The following MRFAP1L2 variants were observed in gnomAD, a reference collection of about 807,000 sequenced individuals.
MRFAP1L2 encodes the protein Morf4 family associated protein 1 like 2, also known as MORF4 family-associated protein 1-like protein UPP.
At chr4:6,674,521 C>G in the MRFAP1L2 span, 2 of 670,694 alleles carry the variant, frequency 3.0e-6, no homozygotes, top group Non-Finnish European at 5.4e-6. Flanking sequence ...CGCGGATGGG[C>G]AGGCGGATCG....
At chr4:6,674,269 G>A in the MRFAP1L2 span, 6 of 486,674 alleles carry the variant, frequency 1.2e-5, no homozygotes, top group Non-Finnish European at 2.2e-5. Context: ...CGGGCAGCCC[G>A]CTGAGCCCCG....
the MRFAP1L2 span, chr4:6,674,856 A>G: frequency 2.7e-6 from 1 of 365,616 alleles, no homozygotes. Flanking sequence ...TTGTTACGAG[A>G]TTGGAGCGTT....
the MRFAP1L2 span, chr4:6,674,799 G>C: frequency 1.5e-3 from 717 of 470,304 alleles, 1 homozygote; most frequent in Middle Eastern, 6.1e-3. Context: ...CACTACGTGG[G>C]GGGAGAGAGG....
At chr4:6,675,152 G>T in the MRFAP1L2 span, 1 of 152,248 alleles carries the variant, frequency 6.6e-6, no homozygotes, top group African/African-American at 2.4e-5. Context: ...GATGACTTCA[G>T]CATTAGATGG....
chr4:6,674,584 C>A, the MRFAP1L2 span: 1 of 628,740 alleles, frequency 1.6e-6, no homozygotes, highest in Non-Finnish European at 2.8e-6. Flanking sequence ...CCGGCGAGGC[C>A]GCGCGGGTCT....
At chr4:6,674,611 G>T in the MRFAP1L2 span, 1 of 591,382 alleles carries the variant, frequency 1.7e-6, no homozygotes, top group South Asian at 1.9e-5. Flanking sequence ...GAGCGCGGCG[G>T]GGAGTGTCCC....
chr4:6,674,186 C>T, the MRFAP1L2 span: 1 of 391,644 alleles, frequency 2.6e-6, no homozygotes, highest in East Asian at 3.8e-5. Flanking sequence ...CCGGCGTGCC[C>T]CGCGGGCTGG....
At chr4:6,674,389 C>G in the MRFAP1L2 span, 1 of 651,490 alleles carries the variant, frequency 1.5e-6, no homozygotes, top group African/African-American at 1.9e-5. Context: ...TCGACGCCAT[C>G]AAGAGTGAGG....
At chr4:6,675,339 T>C in the MRFAP1L2 span, 1 of 152,234 alleles carries the variant, frequency 6.6e-6, no homozygotes, top group Non-Finnish European at 1.5e-5. Flanking sequence ...CTTTGCTGTT[T>C]TTTTATGCTT....
chr4:6,674,402 G>A, the MRFAP1L2 span: 2 of 654,578 alleles, frequency 3.1e-6, no homozygotes, highest in African/African-American at 1.9e-5. Flanking sequence ...GAGTGAGGTG[G>A]AGGCAGAGGA....
chr4:6,674,530 C>A, the MRFAP1L2 span: 3 of 669,400 alleles, frequency 4.5e-6, no homozygotes, highest in Non-Finnish European at 8.1e-6. Context: ...GCAGGCGGAT[C>A]GTGGAGCTGC....
the MRFAP1L2 span, chr4:6,674,229 C>A: frequency 2.5e-6 from 1 of 405,456 alleles, no homozygotes; most frequent in Non-Finnish European, 4.3e-6. Flanking sequence ...CCCGTGGACG[C>A]GGACGAGGCG....
At chr4:6,674,404 G>C in the MRFAP1L2 span, 1 of 655,710 alleles carries the variant, frequency 1.5e-6, no homozygotes, top group Non-Finnish European at 2.7e-6. Context: ...GTGAGGTGGA[G>C]GCAGAGGAGC....
At chr4:6,674,490 A>C in the MRFAP1L2 span, 1 of 669,514 alleles carries the variant, frequency 1.5e-6, no homozygotes, top group Non-Finnish European at 2.7e-6. Flanking sequence ...GCCGAAGCAG[A>C]GAGGAAGGCT....
chr4:6,674,687 G>A, the MRFAP1L2 span: 402 of 525,336 alleles, frequency 7.7e-4, 3 homozygotes, highest in African/African-American at 7.2e-3. Flanking sequence ...CGCGGAGTTG[G>A]TTTCATTCTT....
At chr4:6,674,509 G>A in the MRFAP1L2 span, 2 of 670,784 alleles carry the variant, frequency 3.0e-6, no homozygotes, top group African/African-American at 1.9e-5. Context: ...CTGCGGAGGC[G>A]GCGCGGATGG....
the MRFAP1L2 span, chr4:6,674,307 C>A: frequency 6.7e-6 from 4 of 598,328 alleles, no homozygotes; most frequent in South Asian, 7.2e-5. Flanking sequence ...GAGAACCTGG[C>A]CTCCCTGGAG....
At chr4:6,674,827 T>C in the MRFAP1L2 span, 2 of 430,452 alleles carry the variant, frequency 4.6e-6, no homozygotes, top group African/African-American at 4.2e-5. Context: ...CGGAGGTACA[T>C]GCTGGAAACG....
chr4:6,674,303 C>G, the MRFAP1L2 span: 3,221 of 582,262 alleles, frequency 5.5e-3, 18 homozygotes, highest in Middle Eastern at 9.0e-3. Context: ...CCGCGAGAAC[C>G]TGGCCTCCCT....
Sources: gnomAD v4.1 joint callset for allele counts on GRCh38, gnomAD v4.1.1 for gene constraint, MANE v1.5 for transcripts, NCBI Gene and HGNC (gene_info 2026-07-23, HGNC 2026-07-21) for gene names.